Variants in FAM83E observed in about 807,000 individuals in gnomAD.
The protein encoded by FAM83E is scaffolding CK1 anchoring protein E.
FAM83E carries 29 observed loss-of-function variants against 34.3 expected under a neutral mutation model. That is an observed-to-expected ratio of 0.85 (90% CI 0.63 to 1.15). The LOEUF is 1.15. FAM83E is among the 50% of genes most tolerant of loss of function. FAM83E has a pLI of 0.00. For synonymous variants in FAM83E, 312 were observed against 311.6 expected (o/e 1.00, Z -0.01); for missense variants, 697 against 685.0 (o/e 1.02, Z -0.20).
Position 48,614,824 on chromosome 19 carries a change from C to T in FAM83E, c.-1372G>A, listed in dbSNP as rs1974120614. Reference sequence around the variant, plus strand: ...CGGTGCTTCCCGGCTTCTGGCCTCACTCATCAGGCCTCGACCTGGAATCCA... The same window carrying T: ...CGGTGCTTCCCGGCTTCTGGCCTCATTCATCAGGCCTCGACCTGGAATCCA... On this transcript the variant is annotated 5_prime_UTR_variant, in exon 2 of 7. It adds an upstream start codon to the 5' untranslated region. Coordinates refer to ENST00000263266, the MANE Select transcript of FAM83E (RefSeq NM_017708.4). 5 of 981,678 alleles carry T rather than the reference C, an allele frequency of 5.1e-6. No homozygotes were observed. The highest frequency in any genetic ancestry group is 6.0e-6 in the Non-Finnish European group (5 of 826,574). The allele number at this position is 981,678 out of a possible 1,614,324, so 60.8% of individuals were successfully genotyped here.
rs1443461877 is a variant in FAM83E, at chr19:48,599,995, G to A, written c.*1114C>T. Reference sequence around the variant, plus strand: ...TAAAGTGGTTTTATTCCGAGCAGAGGTAAACGGGAGCTCCGGCAGACCCGC... The same window carrying A: ...TAAAGTGGTTTTATTCCGAGCAGAGATAAACGGGAGCTCCGGCAGACCCGC... On this transcript the variant is annotated 3_prime_UTR_variant, in exon 7 of 7. Transcript: ENST00000263266. The surrounding 1 kb of genome is among the most constrained non-coding windows in gnomAD (Gnocchi z 4.1). 2.0e-5 allele frequency among the ~76,000 whole-genome samples: 3 copies of A among 152,164 alleles called. No individual in the cohort carries two copies. Among genetic ancestry groups the A allele is most frequent in the Non-Finnish European group, 4.4e-5 (3 of 68,032 alleles).
At position 48,613,506 on chromosome 19, in the gene FAM83E, G is replaced by T. The variant is rs1010092080; in HGVS notation, c.-134C>A. The T allele has an allele frequency of 4.0e-4, 574 of 1,427,680 alleles. 1 individual carries two copies. The highest frequency in any genetic ancestry group is 5.0e-4 in the Non-Finnish European group (551 of 1,095,364). The allele number at this position is 1,427,680 out of a possible 1,614,324, so 88.4% of individuals were successfully genotyped here. A position where few individuals can be genotyped will look rare whatever the true frequency, so the allele number is the denominator to read the frequency against. ...CGTGGCCATCCGAGGCCTCCGGCGG[G>T]GCCCTGCAGATGTCCAAATGGCTCC... On this transcript the variant is annotated 5_prime_UTR_variant, in exon 3 of 7. Coordinates refer to ENST00000263266, the MANE Select transcript of FAM83E (RefSeq NM_017708.4).
intron 6 of FAM83E, among the ~76,000 whole-genome samples, chr19:48,602,740 T>C (rs1174345752): frequency 9.5e-6 from 1 of 105,742 alleles, no homozygotes; most frequent in Non-Finnish European, 1.9e-5. Context: ...TATATATATA[T>C]ATATATATAT....
At position 48,610,819 on chromosome 19, in the gene FAM83E, G is replaced by T. The variant is rs1974028176; in HGVS notation, c.494C>A (p.Thr165Asn). The T allele has an allele frequency of 6.3e-7, 1 of 1,595,258 alleles. No individual in the cohort carries two copies. The highest frequency in any genetic ancestry group is 8.5e-7 in the Non-Finnish European group (1 of 1,171,088). Residue 165 changes from threonine (T) to asparagine (N), a missense_variant, in exon 4 of 7, where the codon ACT becomes AAT. Coordinates refer to ENST00000263266, the MANE Select transcript of FAM83E (RefSeq NM_017708.4). ...KLVAVVMDVF[T>N]DPDLLLDLVD... ...CAAGTCCAAAAGCAGGTCTGGGTCAGTGAAGACGTCCATGACCACGGCCAC... is the reference window on the plus strand; with the variant it reads ...CAAGTCCAAAAGCAGGTCTGGGTCATTGAAGACGTCCATGACCACGGCCAC...
At chr19:48,610,657 G>A (rs752781250) in intron 4 of FAM83E, 23 bp downstream of exon 4, 11 of 1,550,476 alleles carry the variant, frequency 7.1e-6, no homozygotes, top group Admixed American at 3.9e-5. Context: ...GGGACTCACA[G>A]GACCCCCTGG....
Position 48,613,282 on chromosome 19 carries a change from G to C in FAM83E, c.91C>G (p.Gln31Glu). ...ASPGFLYSEGQRLALEALLSK... is the reference protein window; with the variant it reads ...ASPGFLYSEGERLALEALLSK... ...AACAGAGCCTCCAGTGCCAGCCGCT[G>C]GCCCTCGGAATATAGAAAGCCGGGG... is the stretch of plus-strand genomic sequence containing the variant. Residue 31 changes from glutamine to glutamate, a missense_variant, in exon 3 of 7, where the codon CAG (glutamine) becomes GAG (glutamate). By Grantham distance (29) the Gln-to-Glu change is conservative (BLOSUM62 2). Transcript: ENST00000263266. 1 of 1,609,246 alleles carries C rather than the reference G, an allele frequency of 6.2e-7. No individual in the cohort carries two copies. The highest frequency in any genetic ancestry group is 8.5e-7 in the Non-Finnish European group (1 of 1,179,494).
Position 48,601,027 on chromosome 19 carries a change from G to T in FAM83E, c.*82C>A. On this transcript the variant is annotated 3_prime_UTR_variant, in exon 7 of 7. Transcript: ENST00000263266. ...GGCCAGAAGCCTTGTCCAAGGCAGG[G>T]CATTGAGGCAGAGGGCTCTGAGCCG... is the stretch of plus-strand genomic sequence containing the variant. 6.6e-7 allele frequency: 1 copy of T among 1,510,028 alleles called. No homozygotes were observed. Among genetic ancestry groups the T allele is most frequent in the Non-Finnish European group, 8.8e-7 (1 of 1,133,212 alleles). The allele number at this position is 1,510,028 out of a possible 1,614,324, so 93.5% of individuals were successfully genotyped here.
chr19:48,611,175 T>G (rs137939926), intron 3 of FAM83E, among the ~76,000 whole-genome samples: 8,214 of 148,340 alleles, frequency 0.055, 414 homozygotes, highest in East Asian at 0.26. Context: ...TTTTTGTTGT[T>G]TTTTTTTTTT....
Position 48,614,028 on chromosome 19 carries a change from T to C in FAM83E, c.-656A>G. On this transcript the variant is annotated 5_prime_UTR_variant, in exon 3 of 7. Coordinates refer to ENST00000263266, the MANE Select transcript of FAM83E (RefSeq NM_017708.4). ...GTTGGAGCATCTGTCTCTGGCCAAA[T>C]CTGACAGCCCCCACGAGTTTCTCCT... 1.0e-6 allele frequency: 1 copy of C among 985,620 alleles called. No individual in the cohort carries two copies. Among genetic ancestry groups the C allele is most frequent in the Non-Finnish European group, 1.2e-6 (1 of 830,082 alleles). 61.1% of individuals were successfully genotyped at this position (985,620 alleles called of 1,614,324 possible).
chr19:48,609,042 G>A (rs78911547), intron 5 of FAM83E, among the ~76,000 whole-genome samples: 9,091 of 152,046 alleles, frequency 0.06, 363 homozygotes, highest in Non-Finnish European at 0.083. Flanking sequence ...CCCCTGTTGA[G>A]GGACCTGGTT....
Position 48,610,764 on chromosome 19 carries a change from A to G in FAM83E, c.549T>C (p.Pro183=). ...GCTGGCGGTCCAGGAGCAGGTAGAC[A>G]GGTACCCAGCGGCGCGTGGCAGCAT... The part of the protein sequence containing the change: ...LVDAATRRWV[P]VYLLLDRQQL... Residue 183 remains proline, a synonymous_variant, in exon 4 of 7, where the codon CCT becomes CCC. Coordinates refer to ENST00000263266, the MANE Select transcript of FAM83E (RefSeq NM_017708.4). The G allele has an allele frequency of 6.3e-7, 1 of 1,588,774 alleles. No homozygotes were observed. The highest frequency in any genetic ancestry group is 8.6e-7 in the Non-Finnish European group (1 of 1,167,800).
At position 48,600,777 on chromosome 19, in the gene FAM83E, G is replaced by C. The variant is rs1973796586; in HGVS notation, c.*332C>G. The C allele has an allele frequency of 4.7e-6, 1 of 210,994 alleles. No homozygotes were observed. The highest frequency in any genetic ancestry group is 2.4e-5 in the African/African-American group (1 of 42,450). The allele number at this position is 210,994 out of a possible 1,614,324, so 13.1% of individuals were successfully genotyped here. On this transcript the variant is annotated 3_prime_UTR_variant, in exon 7 of 7. Coordinates refer to ENST00000263266, the MANE Select transcript of FAM83E (RefSeq NM_017708.4). Reference sequence around the variant, plus strand: ...AGGGATCCTCCCACCTCAGCCTCCTGCGTAGCTGGGACCACAGGCGTGCGC... The same window carrying C: ...AGGGATCCTCCCACCTCAGCCTCCTCCGTAGCTGGGACCACAGGCGTGCGC...
rs902261986 is a variant in FAM83E, at chr19:48,614,800, G to A, written c.-1348C>T. The stretch of plus-strand genomic sequence containing the variant: ...GTGGCTCCCCGGCTTCTACTTCTGC[G>A]GTGCTTCCCGGCTTCTGGCCTCACT... On this transcript the variant is annotated 5_prime_UTR_variant, in exon 2 of 7. Transcript: ENST00000263266. 8 of 983,534 alleles carry A rather than the reference G, an allele frequency of 8.1e-6. No homozygotes were observed. In the East Asian group the frequency reaches 3.4e-4, roughly 42 times the overall value. The allele number at this position is 983,534 out of a possible 1,614,324, so 60.9% of individuals were successfully genotyped here.
In FAM83E at chr19:48,603,581, G is replaced by A. The variant is rs1332809208; in HGVS notation, c.1089C>T (p.Pro363=). ...ILRSVQRART[P]SGPPARPSRS... The stretch of plus-strand genomic sequence containing the variant: ...GGCTGGGCCGGGCCGGGGGGCCGCT[G>A]GGGGTCCGGGCGCGCTGCACACTCC... Residue 363 remains proline (P), a synonymous_variant, in exon 6 of 7, where the codon CCC becomes CCT. Transcript: ENST00000263266. The A allele has an allele frequency of 6.4e-7, 1 of 1,550,454 alleles. No homozygotes were observed. Among genetic ancestry groups the A allele is most frequent in the East Asian group, 2.6e-5 (1 of 38,956 alleles).
chr19:48,613,995 A>G lies in FAM83E; in HGVS notation c.-623T>C. 1.1e-5 allele frequency: 11 copies of G among 985,374 alleles called. No individual in the cohort carries two copies. Among genetic ancestry groups the G allele is most frequent in the Non-Finnish European group, 1.3e-5 (11 of 829,922 alleles). The allele number at this position is 985,374 out of a possible 1,614,324, so 61.0% of individuals were successfully genotyped here. A position where few individuals can be genotyped will look rare whatever the true frequency, so the allele number is the denominator to read the frequency against. On this transcript the variant is annotated 5_prime_UTR_variant, in exon 3 of 7. Transcript: ENST00000263266. ...ATGGCTTCCGACTGACAGTCACAGT[A>G]TCTGCCTGTTGGAGCATCTGTCTCT... is the stretch of plus-strand genomic sequence containing the variant.
At chr19:48,605,019 CAAAAAAA>C (rs72014229) in intron 5 of FAM83E, among the ~76,000 whole-genome samples, 10 of 75,722 alleles carry the variant, frequency 1.3e-4, no homozygotes, top group African/African-American at 4.0e-4. Context: ...GACTCTGACT[CAAAAAAA>C]AAAAAAAAAA....
chr19:48,613,289 G>A lies in FAM83E; in HGVS notation c.84C>T (p.Ser28=), dbSNP rs369914216. The change falls in exon 3 of 7, where the codon TCC becomes TCT. Residue 28 remains serine (S), a synonymous_variant. Transcript: ENST00000263266. ...CCTCCAGTGCCAGCCGCTGGCCCTC[G>A]GAATATAGAAAGCCGGGGCTGGCCC... ...VPGASPGFLY[S]EGQRLALEAL... is the part of the protein sequence containing the mutation. The A allele has an allele frequency of 1.1e-4, 175 of 1,608,042 alleles. 1 individual carries two copies. In the East Asian group the frequency reaches 2.2e-3, roughly 20 times the overall value.
rs372670570 is a variant in FAM83E at position 48,611,937 on chromosome 19, G to A, written c.465+971C>T. ...ATTTTCTGGGTGCTGGGTGCAGGAC[G>A]GCTGACCTGCTAGGCCACCGTGGCG... On this transcript the variant is annotated intron_variant, in intron 3 of 6. Coordinates refer to ENST00000263266, the MANE Select transcript of FAM83E (RefSeq NM_017708.4). Among the ~76,000 whole-genome samples the A allele has an allele frequency of 1.8e-4, 28 of 152,206 alleles. No individual in the cohort carries two copies. In the South Asian group the frequency reaches 2.1e-3, roughly 11 times the overall value.
rs1198479933 is a variant in FAM83E, at chr19:48,600,643, CTTTT to C, written c.*462_*465del. Among the ~76,000 whole-genome samples the C allele has an allele frequency of 4.1e-5, 6 of 146,714 alleles. No individual in the cohort carries two copies. Among genetic ancestry groups the C allele is most frequent in the African/African-American group, 1.5e-4 (6 of 39,766 alleles). ...GCCACCTCGATCAGCCTTTCTTTTT[CTTTT>C]TTCTTTTTTTTTTTTTTTTAAAGAG... On this transcript the variant is annotated 3_prime_UTR_variant, in exon 7 of 7. Coordinates refer to ENST00000263266, the MANE Select transcript of FAM83E (RefSeq NM_017708.4).
Sources: allele counts gnomAD v4.1 joint callset (sites outside exome capture counted in the v4.1 genomes callset), GRCh38; gene constraint gnomAD v4.1.1; non-coding constraint Gnocchi (gnomAD v3.1); transcripts MANE v1.5; gene names NCBI Gene and HGNC (gene_info 2026-07-23, HGNC 2026-07-21).